GPHN: variants seen among roughly 807,000 people sequenced by gnomAD.
The protein encoded by GPHN is gephyrin.
In GPHN, 17 loss-of-function variants were observed where a neutral mutation model predicts 95.5. That is an observed-to-expected ratio of 0.18 (90% CI 0.12 to 0.27). GPHN has a LOEUF of 0.27. GPHN is among the 10% of genes least tolerant of loss of function. The pLI is 1.00. For missense variants in GPHN, 660 were observed against 978.1 expected (o/e 0.67, Z 4.34); for synonymous variants, 320 against 322.5 (o/e 0.99, Z 0.08).
chr14:67,157,326 A>G lies in GPHN; in HGVS notation c.1837-2089A>G, dbSNP rs139103223. On this transcript the variant is annotated intron_variant, in intron 18 of 22. Transcript: ENST00000478722. ...CAGGAATATGTAAGTAACATTTGCAAATTTACTATATCTAATAATATAACC... is the reference window on the plus strand; with the variant it reads ...CAGGAATATGTAAGTAACATTTGCAGATTTACTATATCTAATAATATAACC... 5.5e-3 allele frequency among the ~76,000 whole-genome samples: 840 copies of G among 152,284 alleles called. 3 individuals are homozygous for G. Among genetic ancestry groups the G allele is most frequent in the African/African-American group, 0.019 (803 of 41,556 alleles).
the GPHN span, among the ~76,000 whole-genome samples, chr14:67,525,894 C>A: frequency 1.3e-5 from 2 of 152,192 alleles, no homozygotes; most frequent in African/African-American, 4.8e-5. Context: ...TCAAACCATT[C>A]CAGAAGCCAT....
chr14:66,906,654 G>A (rs1160524184), intron 5 of GPHN, among the ~76,000 whole-genome samples: 8 of 152,130 alleles, frequency 5.3e-5, no homozygotes, highest in Admixed American at 1.3e-4. Context: ...CCTGTTGAGA[G>A]GAGTGAAGTC....
At chr14:67,692,914 T>C in the GPHN span, 18 of 1,477,936 alleles carry the variant, frequency 1.2e-5, no homozygotes, top group Admixed American at 1.5e-4. Flanking sequence ...TAGGAGGGAA[T>C]TGAAAGGAGG....
chr14:66,739,437 C>T (rs1392774777), intron 2 of GPHN, among the ~76,000 whole-genome samples: 3 of 150,552 alleles, frequency 2.0e-5, no homozygotes, highest in South Asian at 2.1e-4. Flanking sequence ...AGAATGGTCT[C>T]GATCTCCTGA....
At chr14:67,519,784 A>G in the GPHN span, among the ~76,000 whole-genome samples, 2 of 150,678 alleles carry the variant, frequency 1.3e-5, no homozygotes, top group Non-Finnish European at 2.9e-5. Context: ...GTGCAGTGGC[A>G]TGATCATGGC....
At chr14:67,445,744 C>G in the GPHN span, among the ~76,000 whole-genome samples, 75 of 151,692 alleles carry the variant, frequency 4.9e-4, no homozygotes, top group African/African-American at 1.8e-3. Context: ...GCCACTACAC[C>G]TGGCTAATTT....
intron 2 of GPHN, among the ~76,000 whole-genome samples, chr14:66,775,542 A>T (rs991759827): frequency 1.4e-4 from 21 of 152,318 alleles, no homozygotes; most frequent in African/African-American, 5.1e-4. Flanking sequence ...ATATATTAAA[A>T]TTATTCTGTT....
intron 1 of GPHN, among the ~76,000 whole-genome samples, chr14:66,605,976 G>A (rs1239389595): frequency 1.3e-5 from 2 of 151,958 alleles, no homozygotes; most frequent in Non-Finnish European, 2.9e-5. Context: ...TTATTTTTCT[G>A]TGCAGAGCTA....
chr14:67,344,071 A>G, the GPHN span, among the ~76,000 whole-genome samples: 1 of 152,176 alleles, frequency 6.6e-6, no homozygotes, highest in Non-Finnish European at 1.5e-5. Flanking sequence ...TATGCAACCT[A>G]CTGACGCTGA....
At chr14:67,097,117 G>A (rs2077435815) in intron 12 of GPHN, among the ~76,000 whole-genome samples, 1 of 152,118 alleles carries the variant, frequency 6.6e-6, no homozygotes, top group South Asian at 2.1e-4. Context: ...TACAGCAAGT[G>A]CCAGGGATTA....
chr14:66,694,918 G>A (rs1223826932), intron 2 of GPHN, among the ~76,000 whole-genome samples: 1 of 152,220 alleles, frequency 6.6e-6, no homozygotes, highest in Non-Finnish European at 1.5e-5. Context: ...AACACTTTGG[G>A]AGGCCAAGGC....
At chr14:67,086,171 A>G (rs1222293245) in intron 11 of GPHN, among the ~76,000 whole-genome samples, 1 of 152,192 alleles carries the variant, frequency 6.6e-6, no homozygotes, top group Non-Finnish European at 1.5e-5. Context: ...ATATGGGTGT[A>G]CAGATACGTG....
chr14:67,185,313 A>G (rs1202351368), downstream of GPHN, among the ~76,000 whole-genome samples: 3 of 152,200 alleles, frequency 2.0e-5, no homozygotes, highest in Non-Finnish European at 2.9e-5. Context: ...TGGTGGCCCA[A>G]TGTGGCTGGG....
chr14:67,468,317 G>A, the GPHN span, among the ~76,000 whole-genome samples: 3 of 152,156 alleles, frequency 2.0e-5, no homozygotes, highest in Non-Finnish European at 4.4e-5. Flanking sequence ...CCTGCTGTAT[G>A]AGGAATCAGT....
chr14:66,823,453 T>C (rs1452391948), intron 3 of GPHN: 1 of 152,216 alleles, frequency 6.6e-6, no homozygotes, highest in Non-Finnish European at 1.5e-5. Context: ...AATCATTGAT[T>C]TTTGAGGGGC....
At chr14:67,233,615 C>T in the GPHN span, among the ~76,000 whole-genome samples, 1 of 152,198 alleles carries the variant, frequency 6.6e-6, no homozygotes, top group Admixed American at 6.5e-5. Flanking sequence ...TGGCTGACTT[C>T]CCCCAGTCTG....
chr14:67,141,136 T>A (rs7144147), intron 17 of GPHN, among the ~76,000 whole-genome samples: 7,317 of 152,272 alleles, frequency 0.048, 377 homozygotes, highest in African/African-American at 0.12. Context: ...TTCAAACTTT[T>A]ACTTTTGGCC....
intron 9 of GPHN, among the ~76,000 whole-genome samples, chr14:66,976,244 A>T (rs920117349): frequency 1.3e-5 from 2 of 152,184 alleles, no homozygotes; most frequent in African/African-American, 4.8e-5. Context: ...GTTTTGTTCA[A>T]GTTATGAGAA....
At chr14:67,244,218 C>G in the GPHN span, among the ~76,000 whole-genome samples, 1 of 152,212 alleles carries the variant, frequency 6.6e-6, no homozygotes, top group South Asian at 2.1e-4. Flanking sequence ...TTGTGTATGT[C>G]TCCTTGAGCG....
Sources: allele counts gnomAD v4.1 joint callset (sites outside exome capture counted in the v4.1 genomes callset), GRCh38; gene constraint gnomAD v4.1.1; transcripts MANE v1.5; gene names NCBI Gene and HGNC (gene_info 2026-07-23, HGNC 2026-07-21).